The following ELOVL6 variants were observed in gnomAD, a reference collection of about 807,000 sequenced individuals.
ELOVL6 encodes very long chain fatty acid elongase 6.
Under a neutral mutation model 31.7 loss-of-function variants are expected in ELOVL6, and 8 were observed. The ratio of observed to expected loss-of-function variants is 0.25; its 90% CI spans 0.15 to 0.45. The LOEUF is 0.45. Ranked by LOEUF, ELOVL6 falls within the 20% of genes least tolerant of loss-of-function variation. The probability of loss-of-function intolerance (pLI) is 1.00; values close to 1 mark genes in which losing one functional copy is unlikely to be tolerated. For missense variants in ELOVL6, 126 were observed against 326.4 expected, an observed-to-expected ratio of 0.39 and a Z score of 4.73; for synonymous variants, 101 against 117.7, an observed-to-expected ratio of 0.86 and a Z score of 0.92.
intron 1 of ELOVL6, among the ~76,000 whole-genome samples, chr4:110,158,594 TAC>T (rs756748577): frequency 1.0e-4 from 15 of 143,964 alleles, no homozygotes; most frequent in African/African-American, 2.1e-4. Flanking sequence ...TGTATATATA[TAC>T]ACACACACAC....
intron 2 of ELOVL6, among the ~76,000 whole-genome samples, chr4:110,076,163 T>C (rs1755619309): frequency 6.6e-6 from 1 of 152,214 alleles, no homozygotes; most frequent in Non-Finnish European, 1.5e-5. Flanking sequence ...AATTGCTTGA[T>C]AATGACTCAG....
At chr4:110,102,836 G>A (rs1451557672) in intron 2 of ELOVL6, among the ~76,000 whole-genome samples, 1 of 151,506 alleles carries the variant, frequency 6.6e-6, no homozygotes, top group African/African-American at 2.4e-5. Context: ...ATAGGAATTA[G>A]GGCTCTGATA....
At chr4:110,144,386 T>C (rs1356868528) in intron 1 of ELOVL6, among the ~76,000 whole-genome samples, 3 of 152,242 alleles carry the variant, frequency 2.0e-5, no homozygotes, top group Non-Finnish European at 2.9e-5. Context: ...AACGACCCCA[T>C]GCTTACAGTA....
In ELOVL6 at chr4:110,142,765, C is replaced by T. The variant is rs141070377; in HGVS notation, c.90-37137G>A. Among the ~76,000 whole-genome samples, 568 of 152,324 alleles carry T rather than the reference C, an allele frequency of 3.7e-3. 5 individuals are homozygous for T. In the Middle Eastern group the frequency reaches 0.055, roughly 15 times the overall value. ...TCTTTTATCACTGAGTATCCTTTGG[C>T]TGGGAGTTTTGTTGGCTATGCTGCC... On this transcript the variant is annotated intron_variant, in intron 1 of 3. Coordinates refer to ENST00000302274, the MANE Select transcript of ELOVL6 (RefSeq NM_024090.3).
chr4:110,166,481 A>G (rs374629688), intron 1 of ELOVL6, among the ~76,000 whole-genome samples: 24 of 152,194 alleles, frequency 1.6e-4, no homozygotes, highest in African/African-American at 5.5e-4. Flanking sequence ...GTGTGGTGGT[A>G]CGCGCCCTGT....
intron 2 of ELOVL6, among the ~76,000 whole-genome samples, chr4:110,091,343 G>A (rs1470363153): frequency 6.6e-6 from 1 of 152,154 alleles, no homozygotes; most frequent in Non-Finnish European, 1.5e-5. Context: ...TCTAGAGGTA[G>A]GCTGTCTGTT....
intron 2 of ELOVL6, among the ~76,000 whole-genome samples, chr4:110,094,214 A>T (rs1410956385): frequency 6.9e-6 from 1 of 145,270 alleles, no homozygotes; most frequent in Non-Finnish European, 1.5e-5. Context: ...GTGCCACTGC[A>T]CTCCAGCCTG....
chr4:110,165,433 C>T (rs867891411), intron 1 of ELOVL6, among the ~76,000 whole-genome samples: 2 of 152,270 alleles, frequency 1.3e-5, no homozygotes, highest in Non-Finnish European at 2.9e-5. Flanking sequence ...TCCTCAAACC[C>T]CACATAAACC....
rs1338198758 is a variant in ELOVL6 at position 110,048,980 on chromosome 4, A to G, written c.*2358T>C. ...ATAAATCACTCAATTAAATAATTAA[A>G]TCAACCAGATGAGCCTCCAATGGGT... On this transcript the variant is annotated 3_prime_UTR_variant, in exon 4 of 4. Coordinates refer to ENST00000302274, the MANE Select transcript of ELOVL6 (RefSeq NM_024090.3). 2.0e-5 allele frequency: 3 copies of G among 152,232 alleles called. No homozygotes were observed. The highest frequency in any genetic ancestry group is 1.3e-4 in the Admixed American group (2 of 15,282). 9.4% of individuals were successfully genotyped at this position (152,232 alleles called of 1,614,324 possible).
intron 1 of ELOVL6, among the ~76,000 whole-genome samples, chr4:110,164,816 C>T (rs1024751431): frequency 1.3e-5 from 2 of 150,444 alleles, no homozygotes; most frequent in Non-Finnish European, 3.0e-5. Context: ...TCATTTATTT[C>T]TGATGAAAGA....
chr4:110,181,523 A>T (rs535390891), intron 1 of ELOVL6, among the ~76,000 whole-genome samples: 3 of 152,288 alleles, frequency 2.0e-5, no homozygotes, highest in Non-Finnish European at 2.9e-5. Context: ...GACATAGACA[A>T]TGGAGAGAAA....
intron 1 of ELOVL6, among the ~76,000 whole-genome samples, chr4:110,148,779 A>T (rs1270730382): frequency 6.6e-6 from 1 of 152,180 alleles, no homozygotes; most frequent in Non-Finnish European, 1.5e-5. Context: ...ACCCACAAAA[A>T]TTTAAAATAA....
intron 2 of ELOVL6, among the ~76,000 whole-genome samples, chr4:110,084,139 T>TATATATGATATATATAAC (rs1756052000): frequency 1.2e-5 from 1 of 86,806 alleles, no homozygotes; most frequent in African/African-American, 6.6e-5. Context: ...GTGATAATGA[T>TATATATGATATATATAAC]ATATATGATA....
rs1346407970 is a variant in ELOVL6, at chr4:110,077,257, G to A, written c.222-17503C>T. 3.9e-5 allele frequency among the ~76,000 whole-genome samples: 6 copies of A among 152,310 alleles called. No homozygotes were observed. The East Asian group carries it at 5.8e-4, about 15-fold the overall frequency. Reference sequence around the variant, plus strand: ...AAGAGAGTAGTGGTTCTCCCAGCACGCAGCTGGAGATCTGAGAATGGACAG... The same window carrying A: ...AAGAGAGTAGTGGTTCTCCCAGCACACAGCTGGAGATCTGAGAATGGACAG... On this transcript the variant is annotated intron_variant, in intron 2 of 3. Coordinates refer to ENST00000302274, the MANE Select transcript of ELOVL6 (RefSeq NM_024090.3).
rs962209948 is a variant in ELOVL6 at position 110,083,089 on chromosome 4, A to G, written c.221+22408T>C. On this transcript the variant is annotated intron_variant, in intron 2 of 3. Transcript: ENST00000302274. ...GTTTATTCACTTAAAAAAAAAGCAAACTTTTTCTATGCCGACTACATACTA... is the reference window on the plus strand; with the variant it reads ...GTTTATTCACTTAAAAAAAAAGCAAGCTTTTTCTATGCCGACTACATACTA... 8.6e-5 allele frequency among the ~76,000 whole-genome samples: 13 copies of G among 151,800 alleles called. No individual in the cohort carries two copies. The East Asian group carries it at 1.2e-3, about 14-fold the overall frequency.
In ELOVL6 at chr4:110,084,374, A is replaced by G. The variant is rs1371597582; in HGVS notation, c.221+21123T>C. Among the ~76,000 whole-genome samples the G allele has an allele frequency of 2.1e-4, 27 of 129,536 alleles. 5 individuals are homozygous for G. Among genetic ancestry groups the G allele is most frequent in the Admixed American group, 3.5e-4 (4 of 11,556 alleles). The allele number at this position is 129,536 out of a possible 152,430, so 85.0% of individuals were successfully genotyped here. On this transcript the variant is annotated intron_variant, in intron 2 of 3. Transcript: ENST00000302274. ...ATGATATATACCGCATATATGATATATGATATATATCGCATATATGATATA... is the reference window on the plus strand; with the variant it reads ...ATGATATATACCGCATATATGATATGTGATATATATCGCATATATGATATA...
At position 110,084,379 on chromosome 4, in the gene ELOVL6, AT is replaced by A. The variant is rs2126235304; in HGVS notation, c.221+21117del. Among the ~76,000 whole-genome samples the A allele has an allele frequency of 2.1e-5, 2 of 96,902 alleles. 1 individual carries two copies. The highest frequency in any genetic ancestry group is 4.3e-5 in the Non-Finnish European group (2 of 45,988). The allele number at this position is 96,902 out of a possible 152,430, so 63.6% of individuals were successfully genotyped here. On this transcript the variant is annotated intron_variant, in intron 2 of 3. Coordinates refer to ENST00000302274, the MANE Select transcript of ELOVL6 (RefSeq NM_024090.3). Reference sequence around the variant, plus strand: ...ATATACCGCATATATGATATATGATATATATCGCATATATGATATATGATAT... The same window carrying A: ...ATATACCGCATATATGATATATGATAATATCGCATATATGATATATGATAT...
At chr4:110,098,213 A>C (rs753567867) in intron 2 of ELOVL6, among the ~76,000 whole-genome samples, 3 of 152,182 alleles carry the variant, frequency 2.0e-5, no homozygotes, top group Non-Finnish European at 4.4e-5. Context: ...AAAGGGGGAA[A>C]CAAAAGCTAT....
Position 110,058,559 on chromosome 4 carries a change from G to A in ELOVL6, c.373+1044C>T, listed in dbSNP as rs148992840. ...TTCTATCTGAATGGACACGGGGCGT[G>A]AACAAGGGGCACCTTACAGAAGACT... On this transcript the variant is annotated intron_variant, in intron 3 of 3. Coordinates refer to ENST00000302274, the MANE Select transcript of ELOVL6 (RefSeq NM_024090.3). 2.6e-3 allele frequency among the ~76,000 whole-genome samples: 397 copies of A among 152,230 alleles called. 3 individuals are homozygous for A. The highest frequency in any genetic ancestry group is 8.1e-3 in the African/African-American group (336 of 41,538).
Sources: gnomAD v4.1 joint callset for allele counts (sites outside exome capture counted in the v4.1 genomes callset) on GRCh38, gnomAD v4.1.1 for gene constraint, MANE v1.5 for transcripts, NCBI Gene and HGNC (gene_info 2026-07-23, HGNC 2026-07-21) for gene names.